Variants in TPX2 observed in about 807,000 individuals in gnomAD.
TPX2 encodes the protein TPX2 microtubule nucleation factor.
In TPX2, 21 loss-of-function variants were observed where a neutral mutation model predicts 93.6. The observed-to-expected ratio is 0.22, with a 90% CI of 0.16 to 0.32. The LOEUF (loss-of-function observed/expected upper bound fraction) is 0.32, where lower values mean the gene tolerates loss of function less well. Among genes scored for constraint, TPX2 ranks in the 10% least tolerant of loss-of-function variants. The probability of loss-of-function intolerance (pLI) is 1.00; values close to 1 mark genes in which losing one functional copy is unlikely to be tolerated. For synonymous variants in TPX2, 281 were observed against 298.3 expected, an observed-to-expected ratio of 0.94 and a Z score of 0.60; for missense variants, 776 against 871.1, an observed-to-expected ratio of 0.89 and a Z score of 1.37.
chr20:31,755,801 G>T (rs895028522), intron 2 of TPX2, among the ~76,000 whole-genome samples: 1 of 151,998 alleles, frequency 6.6e-6, no homozygotes, highest in Non-Finnish European at 1.5e-5. Flanking sequence ...GGTTTCATTG[G>T]CAAATTATTG....
At chr20:31,748,946 ATT>A (rs11482521) in intron 2 of TPX2, among the ~76,000 whole-genome samples, 13 of 141,372 alleles carry the variant, frequency 9.2e-5, no homozygotes, top group Admixed American at 1.4e-4. Flanking sequence ...TTAAATGTGA[ATT>A]TTTTTTTTTT....
chr20:31,776,528 T>C (rs1186102815), intron 8 of TPX2, among the ~76,000 whole-genome samples: 11 of 146,324 alleles, frequency 7.5e-5, no homozygotes, highest in Non-Finnish European at 1.5e-4. Flanking sequence ...ACTTTCTTTC[T>C]TTTTTTTTTT....
chr20:31,764,080 A>G (rs2061908525), intron 4 of TPX2, among the ~76,000 whole-genome samples: 3 of 149,926 alleles, frequency 2.0e-5, no homozygotes, highest in Admixed American at 1.3e-4. Context: ...TATACACACA[A>G]GCATATATAT....
intron 12 of TPX2, among the ~76,000 whole-genome samples, chr20:31,792,223 G>A (rs941359433): frequency 6.6e-6 from 1 of 152,016 alleles, no homozygotes; most frequent in African/African-American, 2.4e-5. Flanking sequence ...GCTGGGCAAA[G>A]TGGTGCGCGC....
chr20:31,756,749 G>A (rs916637137), intron 2 of TPX2, among the ~76,000 whole-genome samples: 3 of 151,754 alleles, frequency 2.0e-5, no homozygotes, highest in Non-Finnish European at 4.4e-5. Flanking sequence ...TCACCCTCCC[G>A]AGTAGCTAGA....
Position 31,792,845 on chromosome 20 carries a change from G to A in TPX2, c.1509+15G>A, listed in dbSNP as rs372160281. On this transcript the variant is annotated intron_variant, in intron 13 of 17. Coordinates refer to ENST00000300403, the MANE Select transcript of TPX2 (RefSeq NM_012112.5). ...AAGAAGATGAGGTGATTCCCTGGGA[G>A]TAGGGGGGTTCTTTTTCCTTCTATA... 31 of 1,609,816 alleles carry A rather than the reference G, an allele frequency of 1.9e-5. No individual in the cohort carries two copies. Among genetic ancestry groups the A allele is most frequent in the Non-Finnish European group, 2.6e-5 (30 of 1,176,218 alleles).
At chr20:31,787,898 C>T (rs1379656820) in intron 12 of TPX2, among the ~76,000 whole-genome samples, 1 of 152,104 alleles carries the variant, frequency 6.6e-6, no homozygotes, top group Admixed American at 6.6e-5. Flanking sequence ...TTCAACAGAA[C>T]TGTTTTAGGG....
intron 2 of TPX2, among the ~76,000 whole-genome samples, chr20:31,755,446 A>G (rs1048182319): frequency 5.9e-5 from 9 of 152,190 alleles, no homozygotes; most frequent in African/African-American, 2.2e-4. Flanking sequence ...CTCCCTTCTA[A>G]GATACAGATA....
intron 14 of TPX2, 138 bp downstream of exon 14, chr20:31,794,162 C>T: frequency 9.0e-7 from 1 of 1,106,586 alleles, no homozygotes; most frequent in Non-Finnish European, 1.3e-6. Context: ...ATAAATGGGA[C>T]AAGTAATTTA....
intron 12 of TPX2, among the ~76,000 whole-genome samples, chr20:31,785,837 TC>T (rs1353395020): frequency 7.2e-5 from 11 of 152,194 alleles, no homozygotes; most frequent in Admixed American, 7.2e-4. Flanking sequence ...TCCAAGCTTT[TC>T]CCCCTACCTA....
rs767749827 is a variant in TPX2, at chr20:31,801,110, G to C, written c.*30G>C. On this transcript the variant is annotated 3_prime_UTR_variant, in exon 18 of 18. Transcript: ENST00000300403. Reference sequence around the variant, plus strand: ...AGCTGTGAGCTGCGGATACCGCCCGGCAATGGGACCTGCTCTTAACCTCAA... The same window carrying C: ...AGCTGTGAGCTGCGGATACCGCCCGCCAATGGGACCTGCTCTTAACCTCAA... The C allele has an allele frequency of 1.3e-6, 2 of 1,588,970 alleles. No individual in the cohort carries two copies. The highest frequency in any genetic ancestry group is 1.7e-5 in the Admixed American group (1 of 59,978).
intron 7 of TPX2, 55 bp from the exon 8 acceptor site, chr20:31,775,812 G>A: frequency 7.1e-7 from 1 of 1,407,326 alleles, no homozygotes; most frequent in Non-Finnish European, 9.3e-7. Flanking sequence ...ATTCTTTTGA[G>A]TCACTGGGTG....
At chr20:31,762,380 C>T (rs2061895391) in intron 4 of TPX2, among the ~76,000 whole-genome samples, 1 of 152,102 alleles carries the variant, frequency 6.6e-6, no homozygotes. Context: ...GACAGAGTCT[C>T]ACTCTGTTGC....
At chr20:31,770,744 A>T (rs1240718796) in intron 6 of TPX2, among the ~76,000 whole-genome samples, 2 of 152,150 alleles carry the variant, frequency 1.3e-5, no homozygotes, top group African/African-American at 4.8e-5. Context: ...CAAGCTGCAT[A>T]CATGATGTTT....
At chr20:31,792,689 T>G in intron 12 of TPX2, 46 bp from the exon 13 acceptor site, 40 of 1,507,084 alleles carry the variant, frequency 2.7e-5, no homozygotes, top group Non-Finnish European at 3.4e-5. Context: ...TACAGCTTAG[T>G]GGAGATCATT....
Position 31,782,407 on chromosome 20 carries a change from G to T in TPX2, c.1196+17G>T, listed in dbSNP as rs752472316. The T allele has an allele frequency of 9.5e-5, 152 of 1,595,388 alleles. No individual in the cohort carries two copies. Among genetic ancestry groups the T allele is most frequent in the South Asian group, 8.5e-4 (75 of 88,400 alleles). ...ATTGCAACAGTAAGTCCCACTGGCA[G>T]TATCTGAGGAAGAGTTCCACGAACC... On this transcript the variant is annotated intron_variant, in intron 11 of 17. Coordinates refer to ENST00000300403, the MANE Select transcript of TPX2 (RefSeq NM_012112.5).
At position 31,801,274 on chromosome 20, in the gene TPX2, G is replaced by T. The variant is rs950684327; in HGVS notation, c.*194G>T. 3 of 546,810 alleles carry T rather than the reference G, an allele frequency of 5.5e-6. No individual in the cohort carries two copies. The highest frequency in any genetic ancestry group is 2.3e-5 in the South Asian group (1 of 43,884). The allele number at this position is 546,810 out of a possible 1,614,324, so 33.9% of individuals were successfully genotyped here. A position where few individuals can be genotyped will look rare whatever the true frequency, so the allele number is the denominator to read the frequency against. ...AGAATTGTTTTCTTACATTACTAAGGCTAATAATGAGATGTAACTCATGAA... is the reference window on the plus strand; with the variant it reads ...AGAATTGTTTTCTTACATTACTAAGTCTAATAATGAGATGTAACTCATGAA... On this transcript the variant is annotated 3_prime_UTR_variant, in exon 18 of 18. Transcript: ENST00000300403.
At chr20:31,784,022 A>G in intron 12 of TPX2, 101 bp downstream of exon 12, 1 of 1,290,334 alleles carries the variant, frequency 7.7e-7, no homozygotes, top group South Asian at 1.3e-5. Context: ...GCAGGGCATC[A>G]TATTAGGAAC....
chr20:31,798,428 A>C lies in TPX2; in HGVS notation c.2009A>C (p.Glu670Ala). 6.2e-7 allele frequency: 1 copy of C among 1,614,098 alleles called. No homozygotes were observed. Among genetic ancestry groups the C allele is most frequent in the Non-Finnish European group, 8.5e-7 (1 of 1,180,042 alleles). Residue 670 changes from glutamate to alanine, a missense_variant, in exon 17 of 18, where the codon GAG becomes GCG. By Grantham distance (107) the Glu-to-Ala change is moderately radical. Around this residue, in one of 3 missense-constraint regions of TPX2, gnomAD observed 461 missense variants for 551.2 expected, o/e 0.84. Transcript: ENST00000300403. ...FQLATEKRAKERQELEKRMAE... is the reference protein window; with the variant it reads ...FQLATEKRAKARQELEKRMAE... ...CTGGCTACTGAGAAGAGAGCCAAAG[A>C]GCGGCAGGAGCTGGAGAAGAGAATG...
Sources: gnomAD v4.1 joint callset for allele counts (sites outside exome capture counted in the v4.1 genomes callset) on GRCh38, gnomAD v4.1.1 for gene constraint, gnomAD v4.1.1 regional missense constraint, MANE v1.5 for transcripts, NCBI Gene and HGNC (gene_info 2026-07-23, HGNC 2026-07-21) for gene names.